Variants in IGSF10 observed in about 807,000 individuals in gnomAD.
The protein encoded by IGSF10 is immunoglobulin superfamily member 10, also known as calvaria mechanical force protein 608.
Under a neutral mutation model 128.2 loss-of-function variants are expected in IGSF10, and 126 were observed. The observed-to-expected ratio is 0.98, with a 90% confidence interval of 0.85 to 1.14. IGSF10 has a LOEUF of 1.14. IGSF10 is among the 50% of genes most tolerant of loss of function. The pLI is 0.00. For missense variants in IGSF10, 3,295 were observed against 3,149.8 expected (o/e 1.05, Z -1.10); for synonymous variants, 1,185 against 1,146.2 (o/e 1.03, Z -0.68).
chr3:151,436,814 G>A lies in IGSF10; in HGVS notation c.7747C>T (p.Gln2583Ter). ...ASKERTHGSE[Q>*]LHLQGTLVIQ... ...ACTAGGGTACCTTGTAAGTGAAGCT[G>A]CTCACTTCCATGTGTCCTCTCTTTA... is the stretch of plus-strand genomic sequence containing the variant. The change falls in exon 8 of 8, where the codon CAG becomes TAG. Residue 2583 changes from glutamine (Q) to a stop codon, truncating the protein, a stop_gained. Transcript: ENST00000282466. LOFTEE classifies it low-confidence loss of function (END_TRUNC). 1 of 1,613,842 alleles carries A rather than the reference G, an allele frequency of 6.2e-7. No homozygotes were observed. Among genetic ancestry groups the A allele is most frequent in the Non-Finnish European group, 8.5e-7 (1 of 1,179,700 alleles).
upstream of IGSF10, among the ~76,000 whole-genome samples, chr3:151,462,114 C>T (rs967334010): frequency 2.6e-5 from 4 of 152,208 alleles, no homozygotes; most frequent in Admixed American, 1.3e-4. Context: ...TGTAATATCT[C>T]CTGCAATTCT....
At chr3:151,567,648 G>T in the IGSF10 span, among the ~76,000 whole-genome samples, 1 of 152,038 alleles carries the variant, frequency 6.6e-6, no homozygotes, top group African/African-American at 2.4e-5. Context: ...CCCTACCTCT[G>T]TGGGACCCTT....
chr3:151,604,591 TAACA>T, the IGSF10 span, among the ~76,000 whole-genome samples: 1 of 102,906 alleles, frequency 9.7e-6, no homozygotes, highest in Non-Finnish European at 1.9e-5. Flanking sequence ...TGTACCAATA[TAACA>T]CACACACACA....
At chr3:151,442,856 C>A in intron 7 of IGSF10, 128 bp downstream of exon 7, 1 of 656,220 alleles carries the variant, frequency 1.5e-6, no homozygotes, top group East Asian at 2.9e-5. Flanking sequence ...GAGAGAGTTT[C>A]CTTTATGTCC....
At chr3:151,540,653 C>G in the IGSF10 span, among the ~76,000 whole-genome samples, 1 of 152,166 alleles carries the variant, frequency 6.6e-6, no homozygotes, top group African/African-American at 2.4e-5. Flanking sequence ...GACTCTATGC[C>G]TACAGTGGTA....
At chr3:151,467,497 C>G in the IGSF10 span, among the ~76,000 whole-genome samples, 1 of 152,098 alleles carries the variant, frequency 6.6e-6, no homozygotes, top group African/African-American at 2.4e-5. Flanking sequence ...TGATGAAGCT[C>G]AAGAATGGAT....
At chr3:151,506,144 G>A in the IGSF10 span, among the ~76,000 whole-genome samples, 4 of 152,056 alleles carry the variant, frequency 2.6e-5, no homozygotes, top group East Asian at 1.9e-4. Flanking sequence ...CAGTAGAGAC[G>A]GGGTTTCACC....
the IGSF10 span, among the ~76,000 whole-genome samples, chr3:151,566,870 C>T: frequency 1.3e-5 from 2 of 152,138 alleles, no homozygotes; most frequent in African/African-American, 4.8e-5. Flanking sequence ...TTTCAGGGTG[C>T]CTGCCTGGCC....
At chr3:151,514,154 G>A in the IGSF10 span, among the ~76,000 whole-genome samples, 765 of 152,068 alleles carry the variant, frequency 5.0e-3, 7 homozygotes, top group African/African-American at 0.018. Context: ...AAAAGAGCCC[G>A]CATTGCCAAG....
At chr3:151,460,903 G>A in intron 1 of IGSF10, 43 bp downstream of exon 1, 1 of 984,518 alleles carries the variant, frequency 1.0e-6, no homozygotes, top group Non-Finnish European at 1.2e-6. Flanking sequence ...AGCCGGCGTG[G>A]GGTTCCAGCC....
At chr3:151,457,603 C>G (rs540146754) in intron 3 of IGSF10, among the ~76,000 whole-genome samples, 275 of 152,268 alleles carry the variant, frequency 1.8e-3, no homozygotes, top group Non-Finnish European at 3.0e-3. Context: ...GGTATGATTA[C>G]GAGCTCAGGC....
the IGSF10 span, among the ~76,000 whole-genome samples, chr3:151,467,599 G>A: frequency 2.0e-5 from 3 of 152,110 alleles, no homozygotes; most frequent in East Asian, 3.9e-4. Flanking sequence ...TAGAAAAATG[G>A]CTGAGCCGGG....
the IGSF10 span, among the ~76,000 whole-genome samples, chr3:151,550,668 G>A: frequency 6.6e-6 from 1 of 152,002 alleles, no homozygotes; most frequent in South Asian, 2.1e-4. Context: ...TGGTCATTAC[G>A]ATTTTTTTCT....
At chr3:151,519,069 G>A in the IGSF10 span, among the ~76,000 whole-genome samples, 1 of 151,902 alleles carries the variant, frequency 6.6e-6, no homozygotes, top group African/African-American at 2.4e-5. Flanking sequence ...GATGAGATGG[G>A]AGATCACAGA....
the IGSF10 span, among the ~76,000 whole-genome samples, chr3:151,587,031 TC>T: frequency 6.6e-6 from 1 of 152,208 alleles, no homozygotes; most frequent in Non-Finnish European, 1.5e-5. Flanking sequence ...AAACTTGATA[TC>T]CTGTTTTATA....
the IGSF10 span, among the ~76,000 whole-genome samples, chr3:151,577,898 G>A: frequency 2.0e-5 from 3 of 152,266 alleles, no homozygotes; most frequent in South Asian, 2.1e-4. Context: ...TGGGCAATGC[G>A]TATGCCTGAA....
At chr3:151,470,573 G>A in the IGSF10 span, among the ~76,000 whole-genome samples, 2 of 152,162 alleles carry the variant, frequency 1.3e-5, no homozygotes, top group African/African-American at 4.8e-5. Context: ...CCTTACAACA[G>A]CCCTCATCTT....
chr3:151,599,544 A>T, the IGSF10 span, among the ~76,000 whole-genome samples: 2 of 152,136 alleles, frequency 1.3e-5, no homozygotes, highest in African/African-American at 2.4e-5. Context: ...CATGGGCCAC[A>T]TTTGACTTTA....
the IGSF10 span, among the ~76,000 whole-genome samples, chr3:151,505,139 G>T: frequency 5.9e-5 from 9 of 152,166 alleles, no homozygotes; most frequent in Non-Finnish European, 1.0e-4. Context: ...TTCTCATGCT[G>T]CTATGAAGAC....
Sources: allele counts gnomAD v4.1 joint callset (sites outside exome capture counted in the v4.1 genomes callset), GRCh38; gene constraint gnomAD v4.1.1; transcripts MANE v1.5; gene names NCBI Gene and HGNC (gene_info 2026-07-23, HGNC 2026-07-21).